Variants in CHD6 observed in about 807,000 individuals in gnomAD.
CHD6 encodes chromodomain helicase DNA binding protein 6.
In CHD6, 50 loss-of-function variants were observed where a neutral mutation model predicts 276.9. That is an observed-to-expected ratio of 0.18 (90% CI 0.14 to 0.23). The LOEUF (loss-of-function observed/expected upper bound fraction) is 0.23, where lower values mean the gene tolerates loss of function less well. CHD6 is among the 10% of genes least tolerant of loss of function. CHD6 has a pLI of 1.00. For missense variants in CHD6, 2,564 were observed against 3,365.8 expected, an observed-to-expected ratio of 0.76 and a Z score of 5.89; for synonymous variants, 1,173 against 1,229.3, an observed-to-expected ratio of 0.95 and a Z score of 0.96.
intron 8 of CHD6, among the ~76,000 whole-genome samples, chr20:41,495,531 T>C (rs2043663019): frequency 6.6e-6 from 1 of 152,156 alleles, no homozygotes; most frequent in Non-Finnish European, 1.5e-5. Flanking sequence ...TCTGGAGACC[T>C]AATGCATAGC....
chr20:41,407,753 C>A (rs536366945), intron 36 of CHD6, among the ~76,000 whole-genome samples: 1 of 152,306 alleles, frequency 6.6e-6, no homozygotes, highest in South Asian at 2.1e-4. Flanking sequence ...CTAGTGGGCA[C>A]TCAGCAGCGA....
intron 1 of CHD6, among the ~76,000 whole-genome samples, chr20:41,557,212 G>A (rs1480337688): frequency 6.6e-6 from 1 of 152,198 alleles, no homozygotes; most frequent in Non-Finnish European, 1.5e-5. Context: ...TGGGACTCCC[G>A]CTCTCCTTGC....
intron 27 of CHD6, among the ~76,000 whole-genome samples, chr20:41,431,440 C>A (rs1039446745): frequency 6.6e-6 from 1 of 152,024 alleles, no homozygotes; most frequent in Non-Finnish European, 1.5e-5. Flanking sequence ...AGAGGGAGGA[C>A]CCTCGCAGGG....
At chr20:41,558,288 G>A (rs145522275) in intron 1 of CHD6, among the ~76,000 whole-genome samples, 6 of 152,194 alleles carry the variant, frequency 3.9e-5, no homozygotes, top group South Asian at 2.1e-4. Flanking sequence ...CTGTAATGAC[G>A]ACGAGACATG....
intron 1 of CHD6, among the ~76,000 whole-genome samples, chr20:41,607,694 C>T (rs1377099407): frequency 6.7e-6 from 1 of 148,442 alleles, no homozygotes; most frequent in Non-Finnish European, 1.5e-5. Flanking sequence ...AGGAAAATAT[C>T]TGGATGGGCC....
intron 3 of CHD6, among the ~76,000 whole-genome samples, chr20:41,528,160 A>T (rs1012694046): frequency 1.3e-5 from 2 of 152,218 alleles, no homozygotes. Context: ...TCTCTGAGAA[A>T]CTGGCATGTT....
In CHD6 at chr20:41,421,453, T is replaced by A. The variant is rs1230530808; in HGVS notation, c.5182A>T (p.Thr1728Ser). The change falls in exon 31 of 37, where the codon ACT becomes TCT. Residue 1728 changes from threonine to serine, a missense_variant. Transcript: ENST00000373233. ...SSFQESPSTN[T>S]ESRKDVITIS... ...GTAATAACATCTTTTCTAGATTCAGTATTGGTACTTGGGCTCTCCTGAAAA... is the reference window on the plus strand; with the variant it reads ...GTAATAACATCTTTTCTAGATTCAGAATTGGTACTTGGGCTCTCCTGAAAA... 3 of 1,614,072 alleles carry A rather than the reference T, an allele frequency of 1.9e-6. No individual in the cohort carries two copies. The highest frequency in any genetic ancestry group is 2.5e-6 in the Non-Finnish European group (3 of 1,180,044).
At chr20:41,458,646 G>C (rs1240546539) in intron 17 of CHD6, among the ~76,000 whole-genome samples, 3 of 152,180 alleles carry the variant, frequency 2.0e-5, no homozygotes, top group African/African-American at 4.8e-5. Context: ...ATTTATGTTT[G>C]TATGTTATAT....
At chr20:41,498,932 CTCA>C (rs2043762673) in intron 6 of CHD6, among the ~76,000 whole-genome samples, 1 of 151,938 alleles carries the variant, frequency 6.6e-6, no homozygotes, top group African/African-American at 2.4e-5. Context: ...ATGTTGGCCT[CTCA>C]AAGTGATGGG....
chr20:41,482,810 T>C (rs764467046), intron 16 of CHD6, among the ~76,000 whole-genome samples: 2 of 152,136 alleles, frequency 1.3e-5, no homozygotes, highest in Non-Finnish European at 2.9e-5. Flanking sequence ...AGAAAATAAA[T>C]TGGGATGCCA....
intron 3 of CHD6, among the ~76,000 whole-genome samples, chr20:41,532,321 C>T (rs1218716415): frequency 6.6e-6 from 1 of 152,196 alleles, no homozygotes; most frequent in Non-Finnish European, 1.5e-5. Flanking sequence ...CAGGAATGGT[C>T]CTGCACTCAG....
intron 1 of CHD6, among the ~76,000 whole-genome samples, chr20:41,602,371 C>T (rs1360792430): frequency 6.6e-6 from 1 of 152,188 alleles, no homozygotes; most frequent in East Asian, 1.9e-4. Context: ...TTTCACCTTC[C>T]TATGAGGCAA....
rs553757281 is a variant in CHD6, at chr20:41,413,574, G to A, written c.6940-59C>T. The A allele has an allele frequency of 4.5e-6, 6 of 1,327,934 alleles. No individual in the cohort carries two copies. In the African/African-American group the frequency reaches 8.9e-5, roughly 20 times the overall value. 82.3% of individuals were successfully genotyped at this position (1,327,934 alleles called of 1,614,324 possible). A position where few individuals can be genotyped will look rare whatever the true frequency, so the allele number is the denominator to read the frequency against. On this transcript the variant is annotated intron_variant, in intron 34 of 36. Transcript: ENST00000373233. Reference sequence around the variant, plus strand: ...GACACAATGAAAATTAGTTTCTAAAGAAAGAAAACATGTAAGGTGTTATTT... The same window carrying A: ...GACACAATGAAAATTAGTTTCTAAAAAAAGAAAACATGTAAGGTGTTATTT...
chr20:41,532,067 T>A (rs2146065898), intron 3 of CHD6, among the ~76,000 whole-genome samples: 1 of 152,304 alleles, frequency 6.6e-6, no homozygotes, highest in East Asian at 1.9e-4. Flanking sequence ...AATATAAAGT[T>A]CTCCACAAGG....
At position 41,496,074 on chromosome 20, in the gene CHD6, T is replaced by C. The variant is rs1007933620; in HGVS notation, c.1092+1310A>G. Among the ~76,000 whole-genome samples, 27 of 152,114 alleles carry C rather than the reference T, an allele frequency of 1.8e-4. 1 individual carries two copies. The highest frequency in any genetic ancestry group is 2.4e-4 in the African/African-American group (10 of 41,420). ...CTGAATCCTGGTACCCAAATGAACA[T>C]AGCATTTAGGAATGAAAAGGGCATG... On this transcript the variant is annotated intron_variant, in intron 8 of 36. Transcript: ENST00000373233.
chr20:41,412,300 C>T, intron 35 of CHD6, 37 bp from the exon 36 acceptor site: 4 of 1,611,278 alleles, frequency 2.5e-6, no homozygotes, highest in Non-Finnish European at 3.4e-6. Context: ...ACAAAACATG[C>T]TATCCCAGAT....
At chr20:41,455,205 A>C (rs983706484) in intron 19 of CHD6, among the ~76,000 whole-genome samples, 1 of 152,186 alleles carries the variant, frequency 6.6e-6, no homozygotes, top group African/African-American at 2.4e-5. Flanking sequence ...CCACTAAAAA[A>C]CTTTCAGGTG....
At chr20:41,569,974 C>T (rs1466549902) in intron 1 of CHD6, among the ~76,000 whole-genome samples, 1 of 152,104 alleles carries the variant, frequency 6.6e-6, no homozygotes, top group African/African-American at 2.4e-5. Flanking sequence ...TCCAATGTTC[C>T]CTTCCATCAT....
intron 2 of CHD6, among the ~76,000 whole-genome samples, chr20:41,539,163 G>A (rs1246469925): frequency 6.6e-6 from 1 of 152,128 alleles, no homozygotes; most frequent in Non-Finnish European, 1.5e-5. Context: ...TTTCTTTCTT[G>A]CTCCCCACAC....
Sources: gnomAD v4.1 joint callset for allele counts (sites outside exome capture counted in the v4.1 genomes callset) on GRCh38, gnomAD v4.1.1 for gene constraint, MANE v1.5 for transcripts, NCBI Gene and HGNC (gene_info 2026-07-23, HGNC 2026-07-21) for gene names.